GABRA3: variants seen among roughly 807,000 people sequenced by gnomAD.
The protein encoded by GABRA3 is gamma-aminobutyric acid receptor subunit alpha-3.
GABRA3 carries 10 observed loss-of-function variants against 30.1 expected under a neutral mutation model. The observed-to-expected ratio is 0.33, with a 90% confidence interval of 0.20 to 0.56. The LOEUF (loss-of-function observed/expected upper bound fraction) is 0.56, where lower values mean the gene tolerates loss of function less well. GABRA3 is among the 20% of genes least tolerant of loss of function. The probability of loss-of-function intolerance (pLI) is 0.89; values close to 1 mark genes in which losing one functional copy is unlikely to be tolerated. For missense variants in GABRA3, 233 were observed against 392.0 expected (o/e 0.59, Z 3.42); for synonymous variants, 151 against 146.8 (o/e 1.03, Z -0.21).
chrX:152,383,739 A>G (rs898490599), intron 1 of GABRA3, among the ~76,000 whole-genome samples: 1 of 109,560 alleles, frequency 9.1e-6, no homozygotes, highest in Non-Finnish European at 1.9e-5. Flanking sequence ...CCAAACCTGC[A>G]GCTAACATCA....
intron 5 of GABRA3, among the ~76,000 whole-genome samples, chrX:152,237,170 G>C (rs1938238076): frequency 9.0e-6 from 1 of 111,380 alleles, no homozygotes; most frequent in African/African-American, 3.3e-5. Context: ...ATTGATTTTT[G>C]TCTAAGGTGT....
chrX:152,280,164 G>A (rs1240873446), intron 4 of GABRA3, among the ~76,000 whole-genome samples: 1 of 111,328 alleles, frequency 9.0e-6, no homozygotes, highest in East Asian at 2.8e-4. Context: ...CAGGAGTGGT[G>A]AGAGAGGGCA....
In GABRA3 at chrX:152,429,270, G is replaced by A. The variant is rs775195353; in HGVS notation, c.-27+21876C>T. Reference sequence around the variant, plus strand: ...CCTCCAATATACCTCTCAAACCCATGGTCTCTCTCTCCCTCCCTCCCTCCC... The same window carrying A: ...CCTCCAATATACCTCTCAAACCCATAGTCTCTCTCTCCCTCCCTCCCTCCC... On this transcript the variant is annotated intron_variant, in intron 1 of 9. Coordinates refer to ENST00000370314, the MANE Select transcript of GABRA3 (RefSeq NM_000808.4). Among the ~76,000 whole-genome samples, 50 of 109,724 alleles carry A rather than the reference G, an allele frequency of 4.6e-4. No individual in the cohort carries two copies. In the South Asian group the frequency reaches 9.1e-3, roughly 20 times the overall value.
chrX:152,276,406 C>T (rs1320250068), intron 4 of GABRA3, among the ~76,000 whole-genome samples: 1 of 111,936 alleles, frequency 8.9e-6, no homozygotes, highest in East Asian at 2.8e-4. Context: ...CTCTCATACA[C>T]TGCTATTGAG....
At chrX:152,374,439 C>T (rs7889316) in intron 1 of GABRA3, among the ~76,000 whole-genome samples, 59 of 105,770 alleles carry the variant, frequency 5.6e-4, no homozygotes, top group African/African-American at 1.9e-3. Context: ...CAAGCTCCAC[C>T]TCCCAGGTTC....
intron 6 of GABRA3, among the ~76,000 whole-genome samples, chrX:152,213,578 A>T (rs1426417780): frequency 9.0e-6 from 1 of 111,540 alleles, no homozygotes; most frequent in Non-Finnish European, 1.9e-5. Context: ...TAATAACAAA[A>T]CAACTAAACC....
chrX:152,340,159 T>C (rs1940293574), intron 3 of GABRA3, among the ~76,000 whole-genome samples: 1 of 112,116 alleles, frequency 8.9e-6, no homozygotes, highest in Non-Finnish European at 1.9e-5. Flanking sequence ...TTTTACATCC[T>C]TCGTTGCTTT....
intron 4 of GABRA3, among the ~76,000 whole-genome samples, chrX:152,263,555 A>G (rs1194912546): frequency 3.6e-5 from 4 of 110,964 alleles, no homozygotes; most frequent in African/African-American, 1.3e-4. Flanking sequence ...AGGAATAAAA[A>G]ACAATGAAGC....
chrX:152,342,906 T>G (rs935946489), intron 3 of GABRA3, among the ~76,000 whole-genome samples: 2 of 111,479 alleles, frequency 1.8e-5, no homozygotes, highest in African/African-American at 3.3e-5. Context: ...AAACTCTGGT[T>G]GGTGAAAACA....
At chrX:152,381,701 C>A (rs896825470) in intron 1 of GABRA3, among the ~76,000 whole-genome samples, 5 of 109,271 alleles carry the variant, frequency 4.6e-5, no homozygotes, top group Non-Finnish European at 9.5e-5. Context: ...CTCCCCTAAC[C>A]CCCCCCACCC....
intron 1 of GABRA3, among the ~76,000 whole-genome samples, chrX:152,419,700 C>T (rs770083281): frequency 2.5e-4 from 28 of 111,221 alleles, no homozygotes; most frequent in Admixed American, 6.7e-4. Context: ...TAAATAGCAT[C>T]AGTCTTACAT....
chrX:152,395,878 A>G (rs1021102131), intron 1 of GABRA3, among the ~76,000 whole-genome samples: 1 of 112,074 alleles, frequency 8.9e-6, no homozygotes, highest in African/African-American at 3.2e-5. Flanking sequence ...ATGAACAGAG[A>G]ACTAAGCTGT....
intron 9 of GABRA3, among the ~76,000 whole-genome samples, chrX:152,174,189 A>C (rs1285756143): frequency 9.0e-6 from 1 of 110,550 alleles, no homozygotes; most frequent in Non-Finnish European, 1.9e-5. Context: ...CCAGTCTATC[A>C]TTGTTGGACA....
chrX:152,434,085 T>C (rs1313016299), intron 1 of GABRA3, among the ~76,000 whole-genome samples: 2 of 111,370 alleles, frequency 1.8e-5, no homozygotes, highest in African/African-American at 3.3e-5. Context: ...CAATACTGAG[T>C]GTCAACTTGA....
chrX:152,372,295 C>T (rs1034581187), intron 1 of GABRA3, among the ~76,000 whole-genome samples: 1 of 111,547 alleles, frequency 9.0e-6, no homozygotes, highest in African/African-American at 3.3e-5. Context: ...CCTCTAAAAC[C>T]TCACCTCTTT....
chrX:152,353,444 T>C (rs1283557365), intron 2 of GABRA3, among the ~76,000 whole-genome samples: 3 of 111,529 alleles, frequency 2.7e-5, no homozygotes, highest in Non-Finnish European at 5.7e-5. Context: ...AAAGGGTAGC[T>C]AGTTTTCTAG....
chrX:152,203,575 C>G (rs1291850706), intron 7 of GABRA3, among the ~76,000 whole-genome samples: 1 of 111,854 alleles, frequency 8.9e-6, no homozygotes, highest in Non-Finnish European at 1.9e-5. Flanking sequence ...TTCCGAAGGT[C>G]AGAAGTCTAA....
At chrX:152,439,018 T>C (rs1398989989) in intron 1 of GABRA3, among the ~76,000 whole-genome samples, 1 of 111,165 alleles carries the variant, frequency 9.0e-6, no homozygotes, top group Non-Finnish European at 1.9e-5. Flanking sequence ...TTGTAACAAA[T>C]GCACCACATT....
At chrX:152,396,631 G>A (rs1929669628) in intron 1 of GABRA3, among the ~76,000 whole-genome samples, 1 of 111,937 alleles carries the variant, frequency 8.9e-6, no homozygotes, top group Admixed American at 9.5e-5. Context: ...AATACCTTGT[G>A]ACTATAGTCA....
Sources: allele counts gnomAD v4.1 joint callset (sites outside exome capture counted in the v4.1 genomes callset), GRCh38; gene constraint gnomAD v4.1.1; transcripts MANE v1.5; gene names NCBI Gene and HGNC (gene_info 2026-07-23, HGNC 2026-07-21).